The following TMEFF2 variants were observed in gnomAD, a reference collection of about 807,000 sequenced individuals.
TMEFF2 encodes the protein transmembrane protein with EGF like and two follistatin like domains 2, also known as tomoregulin-2.
In TMEFF2, 28 loss-of-function variants were observed where a neutral mutation model predicts 53.8. The observed-to-expected ratio is 0.52, with a 90% CI of 0.39 to 0.71. The LOEUF is 0.71. Ranked by LOEUF, TMEFF2 falls within the 30% of genes least tolerant of loss-of-function variation. The pLI is 0.00. For synonymous variants in TMEFF2, 162 were observed against 166.3 expected, an observed-to-expected ratio of 0.97 and a Z score of 0.20; for missense variants, 353 against 455.2, an observed-to-expected ratio of 0.78 and a Z score of 2.04.
intron 4 of TMEFF2, among the ~76,000 whole-genome samples, chr2:192,085,369 T>C (rs986033237): frequency 5.9e-5 from 9 of 152,034 alleles, no homozygotes; most frequent in African/African-American, 2.2e-4. Flanking sequence ...CAAAATGAGA[T>C]AAACAAGGTA....
rs182702285 is a variant in TMEFF2, at chr2:192,091,506, C to T, written c.440-33731G>A. ...AGAAAAACAATATTTACTTCCTTTGCTTGTCTGCAATCAAGTAAGAAGCTT... is the reference window on the plus strand; with the variant it reads ...AGAAAAACAATATTTACTTCCTTTGTTTGTCTGCAATCAAGTAAGAAGCTT... On this transcript the variant is annotated intron_variant, in intron 4 of 9. Transcript: ENST00000272771. Among the ~76,000 whole-genome samples, 14 of 152,250 alleles carry T rather than the reference C, an allele frequency of 9.2e-5. No homozygotes were observed. The East Asian group carries it at 2.5e-3, about 27-fold the overall frequency.
intron 7 of TMEFF2, among the ~76,000 whole-genome samples, chr2:191,985,767 A>C (rs1685961690): frequency 6.6e-6 from 1 of 152,124 alleles, no homozygotes; most frequent in Admixed American, 6.5e-5. Context: ...TGTCTTTGCT[A>C]TTTTTTCAAG....
chr2:192,122,622 T>C (rs1439727106), intron 4 of TMEFF2, among the ~76,000 whole-genome samples: 1 of 152,090 alleles, frequency 6.6e-6, no homozygotes, highest in Non-Finnish European at 1.5e-5. Flanking sequence ...TTTTACCAAG[T>C]CTGTTTATGA....
chr2:191,996,642 A>G (rs77890794), intron 7 of TMEFF2, among the ~76,000 whole-genome samples: 1,599 of 152,084 alleles, frequency 0.011, 31 homozygotes, highest in African/African-American at 0.037. Context: ...ACATGCCACA[A>G]AAATGTGTTA....
At chr2:192,097,739 T>G (rs74661427) in intron 4 of TMEFF2, among the ~76,000 whole-genome samples, 1 of 152,310 alleles carries the variant, frequency 6.6e-6, no homozygotes, top group East Asian at 1.9e-4. Flanking sequence ...TCTTTATATT[T>G]TTATTTTTAA....
intron 4 of TMEFF2, among the ~76,000 whole-genome samples, chr2:192,077,330 T>C (rs1688455181): frequency 6.6e-6 from 1 of 152,156 alleles, no homozygotes; most frequent in African/African-American, 2.4e-5. Flanking sequence ...ATTATGATGA[T>C]GATCAAATAC....
At chr2:192,147,446 C>T (rs927987584) in intron 4 of TMEFF2, among the ~76,000 whole-genome samples, 2 of 151,826 alleles carry the variant, frequency 1.3e-5, no homozygotes, top group South Asian at 2.1e-4. Context: ...TCGTCATTTA[C>T]GTTAGGTATA....
intron 7 of TMEFF2, 144 bp from the exon 8 acceptor site, chr2:191,956,522 G>C (rs1387312348): frequency 1.0e-6 from 1 of 969,644 alleles, no homozygotes; most frequent in Non-Finnish European, 1.4e-6. Context: ...ATAAGAGGAA[G>C]AAAGAACTGA....
intron 4 of TMEFF2, among the ~76,000 whole-genome samples, chr2:192,064,261 A>G (rs1291685323): frequency 2.0e-5 from 3 of 151,768 alleles, no homozygotes; most frequent in East Asian, 1.9e-4. Flanking sequence ...CTATTACTTC[A>G]TGAAAAATTT....
At chr2:192,002,476 A>T (rs76819853) in intron 5 of TMEFF2, among the ~76,000 whole-genome samples, 5 of 144,932 alleles carry the variant, frequency 3.4e-5, no homozygotes, top group Admixed American at 6.9e-5. Flanking sequence ...TATGGAGAAT[A>T]TTTTTTTTTT....
chr2:191,959,450 A>G (rs185786695), intron 7 of TMEFF2, among the ~76,000 whole-genome samples: 3 of 152,334 alleles, frequency 2.0e-5, no homozygotes, highest in African/African-American at 7.2e-5. Flanking sequence ...ACAGCTACTC[A>G]TATTGTTTCT....
chr2:192,095,537 T>G (rs527322899), intron 4 of TMEFF2, among the ~76,000 whole-genome samples: 1 of 152,064 alleles, frequency 6.6e-6, no homozygotes, highest in Non-Finnish European at 1.5e-5. Flanking sequence ...CCCAAAACTT[T>G]TCCTGCAGCA....
chr2:192,160,679 A>T (rs958994195), intron 4 of TMEFF2, among the ~76,000 whole-genome samples: 1 of 152,176 alleles, frequency 6.6e-6, no homozygotes, highest in African/African-American at 2.4e-5. Context: ...TTAGAAAAAA[A>T]TACATTTAAC....
At chr2:191,984,255 G>C (rs1303457491) in intron 7 of TMEFF2, among the ~76,000 whole-genome samples, 2 of 152,044 alleles carry the variant, frequency 1.3e-5, no homozygotes, top group Non-Finnish European at 2.9e-5. Flanking sequence ...AGAAAACTTA[G>C]AAAATCTGTT....
chr2:192,040,344 C>T (rs1199067300), intron 5 of TMEFF2, among the ~76,000 whole-genome samples: 1 of 152,046 alleles, frequency 6.6e-6, no homozygotes, highest in African/African-American at 2.4e-5. Flanking sequence ...TTTTATTCAA[C>T]TCGAATTTTC....
At chr2:192,042,132 C>T (rs1401078902) in intron 5 of TMEFF2, among the ~76,000 whole-genome samples, 10 of 148,774 alleles carry the variant, frequency 6.7e-5, no homozygotes, top group South Asian at 2.2e-4. Flanking sequence ...ACTCAGGAGG[C>T]GGAGGTTGCA....
At chr2:192,070,656 T>C (rs553054819) in intron 4 of TMEFF2, among the ~76,000 whole-genome samples, 1 of 151,994 alleles carries the variant, frequency 6.6e-6, no homozygotes, top group Admixed American at 6.6e-5. Context: ...ATATTTTATA[T>C]CCATCTTAGC....
chr2:192,137,781 A>T (rs1433913831), intron 4 of TMEFF2, among the ~76,000 whole-genome samples: 1 of 125,228 alleles, frequency 8.0e-6, no homozygotes, highest in African/African-American at 2.6e-5. Flanking sequence ...TAATCTATTT[A>T]TATATATATG....
chr2:192,067,428 G>A (rs1688192228), intron 4 of TMEFF2, among the ~76,000 whole-genome samples: 1 of 151,758 alleles, frequency 6.6e-6, no homozygotes, highest in African/African-American at 2.4e-5. Flanking sequence ...TGTATTCATT[G>A]TCTCTCTTGT....
Sources: allele counts gnomAD v4.1 joint callset (sites outside exome capture counted in the v4.1 genomes callset), GRCh38; gene constraint gnomAD v4.1.1; transcripts MANE v1.5; gene names NCBI Gene and HGNC (gene_info 2026-07-23, HGNC 2026-07-21).